The following TRIM37 variants were observed in gnomAD, a reference collection of about 807,000 sequenced individuals.
TRIM37 encodes tripartite motif containing 37, also known as E3 ubiquitin-protein ligase TRIM37.
A neutral mutation model predicts 129.8 loss-of-function variants in TRIM37; 80 were observed. That is an observed-to-expected ratio of 0.62 (90% CI 0.51 to 0.74). TRIM37 has a LOEUF of 0.74. TRIM37 is among the 30% of genes least tolerant of loss of function. The probability of loss-of-function intolerance (pLI) is 0.00; values close to 1 mark genes in which losing one functional copy is unlikely to be tolerated. For missense variants in TRIM37, 1,054 were observed against 1,176.5 expected, an observed-to-expected ratio of 0.90 and a Z score of 1.52; for synonymous variants, 389 against 387.1, an observed-to-expected ratio of 1.00 and a Z score of -0.06.
intron 23 of TRIM37, among the ~76,000 whole-genome samples, chr17:59,000,397 C>T (rs1043668587): frequency 3.3e-5 from 5 of 152,110 alleles, no homozygotes; most frequent in African/African-American, 7.2e-5. Context: ...GTCAGGAGTT[C>T]GAGACCAGGC....
rs2147050333 is a variant in TRIM37 at position 59,081,078 on chromosome 17, A to T, written c.492+19T>A. ...TACAGATTAAAAACAAAATAATTAT[A>T]TTTTAGTAGTAGTCTTACCACTTCT... On this transcript the variant is annotated intron_variant, in intron 6 of 23. Transcript: ENST00000262294. 6.5e-7 allele frequency: 1 copy of T among 1,548,932 alleles called. No homozygotes were observed. Among genetic ancestry groups the T allele is most frequent in the Admixed American group, 1.7e-5 (1 of 57,612 alleles).
chr17:59,001,767 A>C (rs1195789672), intron 22 of TRIM37, 53 bp from the exon 23 acceptor site: 1 of 1,605,294 alleles, frequency 6.2e-7, no homozygotes, highest in African/African-American at 1.3e-5. Context: ...TGTAAGTAAA[A>C]GGAAACAGAA....
chr17:59,078,783 T>C (rs2043027931), intron 7 of TRIM37, among the ~76,000 whole-genome samples: 1 of 152,172 alleles, frequency 6.6e-6, no homozygotes, highest in African/African-American at 2.4e-5. Context: ...ATTGCTCCAC[T>C]GGGTGGATGA....
chr17:59,096,058 A>G (rs1007912948), intron 2 of TRIM37, among the ~76,000 whole-genome samples: 12 of 152,166 alleles, frequency 7.9e-5, no homozygotes, highest in Non-Finnish European at 1.3e-4. Flanking sequence ...CCACTAAACT[A>G]TAACAAAAGT....
downstream of TRIM37, among the ~76,000 whole-genome samples, chr17:58,996,098 G>A (rs998642097): frequency 2.0e-5 from 3 of 152,110 alleles, no homozygotes; most frequent in Non-Finnish European, 4.4e-5. Context: ...GGGGGAAAAC[G>A]TAAATCTATA....
chr17:59,104,602 T>C (rs2045824229), intron 1 of TRIM37: 1 of 704,296 alleles, frequency 1.4e-6, no homozygotes, highest in African/African-American at 1.8e-5. Flanking sequence ...ATGATTCTAT[T>C]CTAAGGAAAA....
Position 59,062,550 on chromosome 17 carries a change from A to C in TRIM37, c.942+17T>G. On this transcript the variant is annotated intron_variant, in intron 11 of 23. Transcript: ENST00000262294. ...AGACCTTGGTTTCAAAATTTATTAG[A>C]AATATGAAAAACTTACTGGGTAAAC... 1 of 1,605,942 alleles carries C rather than the reference A, an allele frequency of 6.2e-7. No homozygotes were observed. Among genetic ancestry groups the C allele is most frequent in the Non-Finnish European group, 8.5e-7 (1 of 1,172,962 alleles).
the TRIM37 span, among the ~76,000 whole-genome samples, chr17:58,973,377 A>G: frequency 6.6e-6 from 1 of 151,010 alleles, no homozygotes; most frequent in African/African-American, 2.4e-5. Context: ...AGATCGCGCC[A>G]TTGCACGCCA....
chr17:58,992,977 G>A (rs976508271), intron 24 of TRIM37, among the ~76,000 whole-genome samples: 2 of 152,166 alleles, frequency 1.3e-5, no homozygotes, highest in African/African-American at 4.8e-5. Flanking sequence ...AGGCATATAT[G>A]GTTTGGCTGT....
intron 18 of TRIM37, 48 bp from the exon 19 acceptor site, chr17:59,028,771 G>A: frequency 1.3e-6 from 2 of 1,593,624 alleles, no homozygotes; most frequent in Non-Finnish European, 1.7e-6. Flanking sequence ...TAATATTAAT[G>A]AAATCATTTG....
chr17:59,041,654 T>C (rs2039164005), intron 17 of TRIM37, among the ~76,000 whole-genome samples, 159 bp downstream of exon 17: 1 of 152,240 alleles, frequency 6.6e-6, no homozygotes, highest in South Asian at 2.1e-4. Flanking sequence ...TAAATATCTT[T>C]AGTAATAAAC....
chr17:58,985,507 A>G (rs1027873258), intron 24 of TRIM37, among the ~76,000 whole-genome samples: 1 of 152,230 alleles, frequency 6.6e-6, no homozygotes, highest in Non-Finnish European at 1.5e-5. Flanking sequence ...AGAACTCTGC[A>G]TCTAACCAAG....
At chr17:58,972,133 G>A in the TRIM37 span, 1 of 1,612,392 alleles carries the variant, frequency 6.2e-7, no homozygotes, top group Non-Finnish European at 8.5e-7. Context: ...TGTTTTCAGA[G>A]CTTAAGATGT....
At chr17:59,042,453 T>A (rs201846693) in intron 16 of TRIM37, among the ~76,000 whole-genome samples, 166 of 49,026 alleles carry the variant, frequency 3.4e-3, no homozygotes, top group African/African-American at 9.3e-3. Flanking sequence ...AAAAAAAATA[T>A]ATATATATAT....
intron 9 of TRIM37, among the ~76,000 whole-genome samples, chr17:59,067,605 T>G (rs549608008): frequency 2.3e-4 from 35 of 152,360 alleles, no homozygotes; most frequent in Admixed American, 7.8e-4. Flanking sequence ...AAACTCTCTA[T>G]GAACTGACAG....
chr17:58,970,676 C>T, the TRIM37 span, among the ~76,000 whole-genome samples: 25 of 152,242 alleles, frequency 1.6e-4, no homozygotes, highest in East Asian at 4.8e-3. Context: ...CTCTCCCCTC[C>T]CCTAAGTTTG....
intron 24 of TRIM37, chr17:58,984,279 A>T (rs2031586167): frequency 6.6e-6 from 1 of 152,612 alleles, no homozygotes; most frequent in Non-Finnish European, 1.5e-5. Flanking sequence ...TTTCATGACA[A>T]CCACACTCCA....
intron 9 of TRIM37, among the ~76,000 whole-genome samples, chr17:59,068,241 A>G (rs543166487): frequency 3.9e-5 from 6 of 152,328 alleles, no homozygotes; most frequent in African/African-American, 1.2e-4. Flanking sequence ...TGAAAGTGGT[A>G]TAAGAATGGG....
At position 59,028,599 on chromosome 17, in the gene TRIM37, A is replaced by T. The variant is rs751945266; in HGVS notation, c.2073T>A (p.Asp691Glu). ...QMAEVRCMKT[D>E]VKNTLSEIKS... ...TTATTTCTGAAAGTGTATTCTTTACATCAGTTTTCATACATCGAACTTCGG... is the reference window on the plus strand; with the variant it reads ...TTATTTCTGAAAGTGTATTCTTTACTTCAGTTTTCATACATCGAACTTCGG... Residue 691 changes from aspartate to glutamate, a missense_variant, in exon 19 of 24, where the codon GAT (aspartate) becomes GAA (glutamate). Asp to Glu is a conservative substitution (Grantham distance 45). Around this residue, in one of 3 missense-constraint regions of TRIM37, gnomAD observed 752 missense variants for 870.8 expected, o/e 0.86. Transcript: ENST00000262294. 81 of 1,614,124 alleles carry T rather than the reference A, an allele frequency of 5.0e-5. No individual in the cohort carries two copies. The South Asian group carries it at 8.7e-4, about 17-fold the overall frequency.
Sources: gnomAD v4.1 joint callset for allele counts (sites outside exome capture counted in the v4.1 genomes callset) on GRCh38, gnomAD v4.1.1 for gene constraint, gnomAD v4.1.1 regional missense constraint, MANE v1.5 for transcripts, NCBI Gene and HGNC (gene_info 2026-07-23, HGNC 2026-07-21) for gene names.